Variants in SKAP1 observed in about 807,000 individuals in gnomAD.
SKAP1 encodes src kinase associated phosphoprotein 1.
A neutral mutation model predicts 58.5 loss-of-function variants in SKAP1; 44 were observed. That is an observed-to-expected ratio of 0.75 (90% confidence interval 0.59 to 0.97). The LOEUF (loss-of-function observed/expected upper bound fraction) is 0.97, where lower values mean the gene tolerates loss of function less well. SKAP1 is among the 50% of genes least tolerant of loss of function. The probability of loss-of-function intolerance (pLI) is 0.00; values close to 1 mark genes in which losing one functional copy is unlikely to be tolerated. For missense variants in SKAP1, 390 were observed against 435.2 expected, an observed-to-expected ratio of 0.90 and a Z score of 0.92; for synonymous variants, 127 against 149.7, an observed-to-expected ratio of 0.85 and a Z score of 1.11.
rs570819180 is a variant in SKAP1, at chr17:48,143,279, C to G, written c.979-5942G>C. Among the ~76,000 whole-genome samples, 14 of 149,218 alleles carry G rather than the reference C, an allele frequency of 9.4e-5. No homozygotes were observed. In the South Asian group the frequency reaches 1.7e-3, roughly 18 times the overall value. ...GCATGATCTCGGCTCACTGCAACCTCTGCCTCCTGGGCTCGAGATTCTCCT... is the reference window on the plus strand; with the variant it reads ...GCATGATCTCGGCTCACTGCAACCTGTGCCTCCTGGGCTCGAGATTCTCCT... On this transcript the variant is annotated intron_variant, in intron 11 of 12. Coordinates refer to ENST00000336915, the MANE Select transcript of SKAP1 (RefSeq NM_003726.4).
Position 48,305,434 on chromosome 17 carries a change from G to A in SKAP1, c.280+40471C>T, listed in dbSNP as rs149810571. Among the ~76,000 whole-genome samples, 311 of 152,248 alleles carry A rather than the reference G, an allele frequency of 2.0e-3. 2 individuals are homozygous for A. Among genetic ancestry groups the A allele is most frequent in the African/African-American group, 7.1e-3 (295 of 41,534 alleles). On this transcript the variant is annotated intron_variant, in intron 4 of 12. Transcript: ENST00000336915. The stretch of plus-strand genomic sequence containing the variant: ...CACTTGCACACTATGATATATTTGC[G>A]CATTTGCTGCTCTTGAGACTGTATG...
intron 4 of SKAP1, among the ~76,000 whole-genome samples, chr17:48,252,713 AGTGTGTGT>A (rs71141977): frequency 0.18 from 25,403 of 145,026 alleles, 2,233 homozygotes; most frequent in Admixed American, 0.2. Context: ...GCTCTAAGCT[AGTGTGTGT>A]GTGTGTGTGT....
chr17:48,356,863 A>G (rs2066882117), intron 3 of SKAP1, among the ~76,000 whole-genome samples: 1 of 152,206 alleles, frequency 6.6e-6, no homozygotes, highest in Non-Finnish European at 1.5e-5. Context: ...AAAATATTCT[A>G]TATACAAATA....
At position 48,180,064 on chromosome 17, in the gene SKAP1, T is replaced by G; in HGVS notation, c.816A>C (p.Glu272Asp). 1 of 1,590,072 alleles carries G rather than the reference T, an allele frequency of 6.3e-7. No homozygotes were observed. Among genetic ancestry groups the G allele is most frequent in the Non-Finnish European group, 8.5e-7 (1 of 1,170,936 alleles). Residue 272 changes from glutamate (E) to aspartate (D), a missense_variant, in exon 9 of 13, where the codon GAA becomes GAC. Coordinates refer to ENST00000336915, the MANE Select transcript of SKAP1 (RefSeq NM_003726.4). ...GACAAAATTTCTCACCTGGCAAGACTTCATAAATATCTTCTTCTTCTTTCT... is the reference window on the plus strand; with the variant it reads ...GACAAAATTTCTCACCTGGCAAGACGTCATAAATATCTTCTTCTTCTTTCT... ...TEEKEEEDIYEVLPDEEHDLE... is the reference protein window; with the variant it reads ...TEEKEEEDIYDVLPDEEHDLE...
At chr17:48,441,340 C>T in the SKAP1 span, among the ~76,000 whole-genome samples, 6 of 152,034 alleles carry the variant, frequency 3.9e-5, no homozygotes, top group Non-Finnish European at 5.9e-5. Flanking sequence ...TGGGTTACAG[C>T]AAATTAATGG....
At chr17:48,281,494 G>A (rs1454571352) in intron 4 of SKAP1, among the ~76,000 whole-genome samples, 1 of 152,218 alleles carries the variant, frequency 6.6e-6, no homozygotes, top group Non-Finnish European at 1.5e-5. Flanking sequence ...GCTCATTTAG[G>A]CTGGCAGGCA....
At chr17:48,301,313 A>G (rs2066053159) in intron 4 of SKAP1, among the ~76,000 whole-genome samples, 1 of 151,980 alleles carries the variant, frequency 6.6e-6, no homozygotes, top group South Asian at 2.1e-4. Context: ...CTCTATTCCC[A>G]CCAACCCTTC....
intron 2 of SKAP1, among the ~76,000 whole-genome samples, chr17:48,367,536 G>GTATATATATATAAGGATATATATCCATA (rs2067020578): frequency 7.4e-6 from 1 of 135,602 alleles, no homozygotes; most frequent in Non-Finnish European, 1.6e-5. Context: ...GTATGTGTGT[G>GTATATATATATAAGGATATATATCCATA]TATATATATA....
At chr17:48,431,068 G>A (rs1247830622), upstream of SKAP1, among the ~76,000 whole-genome samples, 1 of 152,194 alleles carries the variant, frequency 6.6e-6, no homozygotes, top group Non-Finnish European at 1.5e-5. Flanking sequence ...AAATAAAGAG[G>A]TTTTTTAAGT....
chr17:48,355,352 C>T (rs746459562), intron 3 of SKAP1, among the ~76,000 whole-genome samples: 10 of 152,104 alleles, frequency 6.6e-5, no homozygotes, highest in Non-Finnish European at 1.0e-4. Flanking sequence ...ATTGCAGCTC[C>T]CTGCAGCCTT....
intron 4 of SKAP1, among the ~76,000 whole-genome samples, chr17:48,318,279 T>C (rs1352793992): frequency 6.6e-6 from 1 of 152,242 alleles, no homozygotes; most frequent in Non-Finnish European, 1.5e-5. Context: ...ATACACCTAA[T>C]GGTGCAATAC....
At chr17:48,433,232 G>A (rs1416195015), upstream of SKAP1, among the ~76,000 whole-genome samples, 1 of 152,324 alleles carries the variant, frequency 6.6e-6, no homozygotes, top group East Asian at 1.9e-4. Flanking sequence ...ATCTGATTGG[G>A]GGTAGCCATG....
At position 48,180,228 on chromosome 17, in the gene SKAP1, GAATGGTT is replaced by G; in HGVS notation, c.645_651del (p.Leu215PhefsTer42). 6.3e-7 allele frequency: 1 copy of G among 1,593,030 alleles called. No homozygotes were observed. Among genetic ancestry groups the G allele is most frequent in the Non-Finnish European group, 8.6e-7 (1 of 1,168,508 alleles). On this transcript the variant is annotated frameshift_variant, in exon 9 of 13. Coordinates refer to ENST00000336915, the MANE Select transcript of SKAP1 (RefSeq NM_003726.4). LOFTEE classifies it high-confidence loss of function. ...TCTTCCTCCTCATCCTCTTCATATG[GAATGGTT>G]AAGGAGCTCAGATCTAACAAGGCAA...
intron 4 of SKAP1, among the ~76,000 whole-genome samples, chr17:48,209,581 T>C (rs534321503): frequency 7.8e-4 from 119 of 152,326 alleles, no homozygotes; most frequent in Non-Finnish European, 8.4e-4. Flanking sequence ...TTGGATTCCA[T>C]GTATGAAAGG....
Position 48,286,610 on chromosome 17 carries a change from C to T in SKAP1, c.280+59295G>A, listed in dbSNP as rs572171634. The stretch of plus-strand genomic sequence containing the variant: ...ATGAATTCAGCCAGAGGCAAACAAC[C>T]AACTAGGAATTACTGAGTGGATCTA... On this transcript the variant is annotated intron_variant, in intron 4 of 12. Coordinates refer to ENST00000336915, the MANE Select transcript of SKAP1 (RefSeq NM_003726.4). 2.0e-5 allele frequency among the ~76,000 whole-genome samples: 3 copies of T among 152,284 alleles called. No individual in the cohort carries two copies. The South Asian group carries it at 6.2e-4, about 32-fold the overall frequency.
intron 3 of SKAP1, among the ~76,000 whole-genome samples, chr17:48,362,538 A>G (rs1270088626): frequency 1.3e-5 from 2 of 152,260 alleles, no homozygotes; most frequent in Non-Finnish European, 2.9e-5. Context: ...ACATTATTAC[A>G]TAAAATTATC....
At chr17:48,262,045 G>A (rs987159739) in intron 4 of SKAP1, among the ~76,000 whole-genome samples, 1 of 152,194 alleles carries the variant, frequency 6.6e-6, no homozygotes, top group Non-Finnish European at 1.5e-5. Flanking sequence ...CGAATTGCCT[G>A]AAATACTGAA....
chr17:48,350,710 C>CAAA (rs2066788159), intron 3 of SKAP1, among the ~76,000 whole-genome samples: 1 of 151,786 alleles, frequency 6.6e-6, no homozygotes, highest in Non-Finnish European at 1.5e-5. Context: ...AACAAACAAA[C>CAAA]AAAAAAGAAC....
intron 1 of SKAP1, among the ~76,000 whole-genome samples, chr17:48,420,796 G>A (rs759158493): frequency 1.1e-4 from 16 of 152,112 alleles, no homozygotes; most frequent in Non-Finnish European, 1.9e-4. Context: ...TTGACAATTC[G>A]GGCTGGATGA....
Sources: gnomAD v4.1 joint callset for allele counts (sites outside exome capture counted in the v4.1 genomes callset) on GRCh38, gnomAD v4.1.1 for gene constraint, MANE v1.5 for transcripts, NCBI Gene and HGNC (gene_info 2026-07-23, HGNC 2026-07-21) for gene names.